EIF4G3: variants seen among roughly 807,000 people sequenced by gnomAD.
EIF4G3 encodes the protein eukaryotic translation initiation factor 4 gamma 3.
In EIF4G3, 34 loss-of-function variants were observed where a neutral mutation model predicts 186.4. The ratio of observed to expected loss-of-function variants is 0.18; its 90% CI spans 0.14 to 0.24. EIF4G3 has a LOEUF of 0.24. Among genes scored for constraint, EIF4G3 ranks in the 10% least tolerant of loss-of-function variants. The pLI is 1.00. For missense variants in EIF4G3, 1,536 were observed against 1,948.5 expected (o/e 0.79, Z 3.99); for synonymous variants, 673 against 679.5 (o/e 0.99, Z 0.15).
At chr1:20,876,443 T>TAAAAAA (rs386366428) in intron 20 of EIF4G3, among the ~76,000 whole-genome samples, 1 of 80,882 alleles carries the variant, frequency 1.2e-5, no homozygotes, top group Non-Finnish European at 2.5e-5. Context: ...ATTTATTAAG[T>TAAAAAA]AAAAAAAAAA....
intron 4 of EIF4G3, among the ~76,000 whole-genome samples, chr1:21,047,589 T>C (rs1443004479): frequency 6.6e-6 from 1 of 152,178 alleles, no homozygotes; most frequent in African/African-American, 2.4e-5. Flanking sequence ...TGCTTCCCTC[T>C]TCCCTATGAA....
intron 14 of EIF4G3, among the ~76,000 whole-genome samples, chr1:20,925,515 T>C (rs1225417358): frequency 6.6e-6 from 1 of 152,222 alleles, no homozygotes; most frequent in African/African-American, 2.4e-5. Flanking sequence ...TGCTATCACA[T>C]AAATAATGAC....
At chr1:21,021,226 C>T (rs1484318921) in intron 4 of EIF4G3, among the ~76,000 whole-genome samples, 1 of 152,148 alleles carries the variant, frequency 6.6e-6, no homozygotes, top group Non-Finnish European at 1.5e-5. Context: ...TCAAGTGATC[C>T]GCCCACCTCA....
intron 4 of EIF4G3, among the ~76,000 whole-genome samples, chr1:21,044,394 T>C (rs1402363906): frequency 6.6e-6 from 1 of 152,162 alleles, no homozygotes; most frequent in Non-Finnish European, 1.5e-5. Context: ...ACATGATGTG[T>C]TTCAAAGTGG....
At chr1:20,885,105 T>A (rs987664042) in intron 19 of EIF4G3, among the ~76,000 whole-genome samples, 7 of 152,252 alleles carry the variant, frequency 4.6e-5, no homozygotes, top group Admixed American at 3.9e-4. Context: ...GAGGCGGAGC[T>A]CAGGTGGTAA....
intron 12 of EIF4G3, among the ~76,000 whole-genome samples, chr1:20,964,853 A>G (rs2074259626): frequency 6.6e-6 from 1 of 152,162 alleles, no homozygotes. Context: ...TCACCCTTTG[A>G]AAGTGTTTTC....
chr1:20,829,583 A>G (rs1286685331), intron 30 of EIF4G3, among the ~76,000 whole-genome samples: 1 of 152,202 alleles, frequency 6.6e-6, no homozygotes, highest in Non-Finnish European at 1.5e-5. Context: ...TTAAATGATG[A>G]AAAGAAGGAC....
chr1:20,930,649 C>T (rs1386010631), intron 14 of EIF4G3, among the ~76,000 whole-genome samples: 1 of 152,150 alleles, frequency 6.6e-6, no homozygotes, highest in Non-Finnish European at 1.5e-5. Flanking sequence ...ATCCTCCTGC[C>T]TCAGCCTCCC....
At chr1:21,005,924 C>T (rs535530335) in intron 4 of EIF4G3, among the ~76,000 whole-genome samples, 1 of 152,282 alleles carries the variant, frequency 6.6e-6, no homozygotes, top group African/African-American at 2.4e-5. Flanking sequence ...ACTCTGTACA[C>T]AAGTACTTTC....
At chr1:20,847,491 A>G (rs1452723468) in intron 29 of EIF4G3, among the ~76,000 whole-genome samples, 8 of 152,194 alleles carry the variant, frequency 5.3e-5, no homozygotes, top group African/African-American at 1.9e-4. Context: ...TCACAGGATC[A>G]TATTTTTCCC....
chr1:20,817,466 C>G lies in EIF4G3; in HGVS notation c.4441G>C (p.Glu1481Gln), dbSNP rs774368352. 1 of 1,608,610 alleles carries G rather than the reference C, an allele frequency of 6.2e-7. No individual in the cohort carries two copies. Among genetic ancestry groups the G allele is most frequent in the East Asian group, 2.2e-5 (1 of 44,696 alleles). Residue 1481 changes from glutamate (E) to glutamine (Q), a missense_variant, in exon 34 of 37, where the codon GAG becomes CAG. Coordinates refer to ENST00000602326, the MANE Select transcript of EIF4G3 (RefSeq NM_001391906.1). The stretch of plus-strand genomic sequence containing the variant: ...AGTTTCTCGAGTCGCTTATACAGCT[C>G]TTCGGCAGACAGTTCTTTCTTTGAA... ...ALSKKELSAE[E>Q]LYKRLEKLII...
intron 4 of EIF4G3, among the ~76,000 whole-genome samples, chr1:21,046,072 C>T (rs2093869226): frequency 6.6e-6 from 1 of 152,204 alleles, no homozygotes; most frequent in African/African-American, 2.4e-5. Context: ...CCCTAGAGTG[C>T]ACTTCCCCAG....
At position 21,134,357 on chromosome 1, in the gene EIF4G3, T is replaced by C. The variant is rs556924737; in HGVS notation, c.-272+41818A>G. Among the ~76,000 whole-genome samples, 5 of 152,294 alleles carry C rather than the reference T, an allele frequency of 3.3e-5. No individual in the cohort carries two copies. The South Asian group carries it at 1.0e-3, about 32-fold the overall frequency. The stretch of plus-strand genomic sequence containing the variant: ...GACACCTAGAAAACTCAGCTATACA[T>C]ATATAGTAAATATAGAAATACACTG... On this transcript the variant is annotated intron_variant, in intron 2 of 36. Transcript: ENST00000602326.
In EIF4G3 at chr1:21,108,607, T is replaced by C. The variant is rs2096658708; in HGVS notation, c.-271-19394A>G. ...TGTTAAAGAAATTAATGTTTTATCT[T>C]TTAAAACTACAAGAGGCCAGGTGTG... On this transcript the variant is annotated intron_variant, in intron 2 of 36. Transcript: ENST00000602326. 2.0e-5 allele frequency among the ~76,000 whole-genome samples: 3 copies of C among 152,120 alleles called. No individual in the cohort carries two copies. The South Asian group carries it at 6.2e-4, about 32-fold the overall frequency.
At chr1:20,894,407 A>G (rs555083795) in intron 17 of EIF4G3, among the ~76,000 whole-genome samples, 1 of 152,340 alleles carries the variant, frequency 6.6e-6, no homozygotes, top group South Asian at 2.1e-4. Flanking sequence ...TCACATAAGT[A>G]TCTAGGAGAG....
At chr1:21,057,046 TC>T (rs1441827811) in intron 3 of EIF4G3, among the ~76,000 whole-genome samples, 1 of 152,248 alleles carries the variant, frequency 6.6e-6, no homozygotes, top group African/African-American at 2.4e-5. Flanking sequence ...TCCAAAATTC[TC>T]ATTCTCTTGC....
At chr1:20,962,541 T>A (rs34268232) in intron 12 of EIF4G3, among the ~76,000 whole-genome samples, 5 of 152,176 alleles carry the variant, frequency 3.3e-5, no homozygotes, top group Non-Finnish European at 5.9e-5. Context: ...AAAGTTGATA[T>A]CAAGCAACTC....
At chr1:20,950,400 G>GTTCC in intron 12 of EIF4G3, among the ~76,000 whole-genome samples, 1 of 152,172 alleles carries the variant, frequency 6.6e-6, no homozygotes, top group Middle Eastern at 3.4e-3. Flanking sequence ...ATTCCCCAGT[G>GTTCC]TTCCTTCTAA....
chr1:21,169,462 T>TAAATA (rs776758833), intron 2 of EIF4G3, among the ~76,000 whole-genome samples: 10 of 151,990 alleles, frequency 6.6e-5, no homozygotes, highest in East Asian at 1.9e-4. Flanking sequence ...AAAAAATAAA[T>TAAATA]AAATAAAATA....
Sources: gnomAD v4.1 joint callset for allele counts (sites outside exome capture counted in the v4.1 genomes callset) on GRCh38, gnomAD v4.1.1 for gene constraint, MANE v1.5 for transcripts, NCBI Gene and HGNC (gene_info 2026-07-23, HGNC 2026-07-21) for gene names.